Variants in NXPH2 observed in about 807,000 individuals in gnomAD.
NXPH2 encodes the protein neurexophilin-2.
In NXPH2, 5 loss-of-function variants were observed where a neutral mutation model predicts 19.8. The ratio of observed to expected loss-of-function variants is 0.25; its 90% CI spans 0.13 to 0.53. The LOEUF (loss-of-function observed/expected upper bound fraction) is 0.53. Ranked by LOEUF, NXPH2 falls within the 20% of genes least tolerant of loss-of-function variation. The pLI is 0.96. For synonymous variants in NXPH2, 154 were observed against 127.4 expected (o/e 1.21, Z -1.41); for missense variants, 289 against 322.8 (o/e 0.90, Z 0.80).
intron 1 of NXPH2, among the ~76,000 whole-genome samples, chr2:138,706,947 AG>A (rs1681025208): frequency 6.6e-6 from 1 of 151,924 alleles, no homozygotes. Flanking sequence ...GTGAATGCTT[AG>A]AGAAACTTGT....
rs146342012 is a variant in NXPH2 at position 138,707,802 on chromosome 2, C to T, written c.52-36137G>A. The stretch of plus-strand genomic sequence containing the variant: ...AAATTATCCCTTGTAACTTTCTTCT[C>T]TGTGGATTTGGCCCATCATTCTAGC... On this transcript the variant is annotated intron_variant, in intron 1 of 1. Transcript: ENST00000272641. Among the ~76,000 whole-genome samples, 356 of 152,268 alleles carry T rather than the reference C, an allele frequency of 2.3e-3. 5 individuals are homozygous for T. The highest frequency in any genetic ancestry group is 8.2e-3 in the African/African-American group (342 of 41,568).
intron 1 of NXPH2, among the ~76,000 whole-genome samples, chr2:138,745,776 C>T (rs1681720926): frequency 6.6e-6 from 1 of 151,924 alleles, no homozygotes; most frequent in African/African-American, 2.4e-5. Context: ...AATTTCAGGA[C>T]AGCTGTTACC....
intron 1 of NXPH2, among the ~76,000 whole-genome samples, chr2:138,743,886 A>G (rs1681685930): frequency 6.6e-6 from 1 of 151,594 alleles, no homozygotes; most frequent in South Asian, 2.1e-4. Flanking sequence ...ACCTGTAGTC[A>G]TAGCTACTGG....
chr2:138,670,515 C>T lies in NXPH2; in HGVS notation c.*407G>A, dbSNP rs1480325261. Among the ~76,000 whole-genome samples, 2 of 152,222 alleles carry T rather than the reference C, an allele frequency of 1.3e-5. No homozygotes were observed. Among genetic ancestry groups the T allele is most frequent in the South Asian group, 2.1e-4 (1 of 4,830 alleles). On this transcript the variant is annotated 3_prime_UTR_variant, in exon 2 of 2. Coordinates refer to ENST00000272641, the MANE Select transcript of NXPH2 (RefSeq NM_007226.3). ...CTATCAAATACAATCTTTTCCTTTA[C>T]CGCATCTGCTGTTTCTGCGGTAACC...
intron 1 of NXPH2, among the ~76,000 whole-genome samples, chr2:138,771,421 T>C (rs966651902): frequency 1.3e-5 from 2 of 151,620 alleles, no homozygotes; most frequent in African/African-American, 2.4e-5. Flanking sequence ...AGGTATGAGG[T>C]GGCAGAAAGC....
intron 1 of NXPH2, among the ~76,000 whole-genome samples, chr2:138,735,533 C>G (rs1012801195): frequency 6.6e-6 from 1 of 152,132 alleles, no homozygotes; most frequent in Non-Finnish European, 1.5e-5. Flanking sequence ...AATTATCTCC[C>G]ATTGGGTCTC....
At chr2:138,775,180 T>TG (rs1682242191) in intron 1 of NXPH2, among the ~76,000 whole-genome samples, 1 of 152,174 alleles carries the variant, frequency 6.6e-6, no homozygotes, top group African/African-American at 2.4e-5. Flanking sequence ...GCATTTGGGC[T>TG]TAAATAATGG....
At chr2:138,683,147 G>A (rs533706679) in intron 1 of NXPH2, among the ~76,000 whole-genome samples, 1 of 152,064 alleles carries the variant, frequency 6.6e-6, no homozygotes, top group African/African-American at 2.4e-5. Context: ...CAAGTTTTGC[G>A]AAGTCAAACA....
chr2:138,779,255 G>A (rs1682312245), intron 1 of NXPH2, among the ~76,000 whole-genome samples: 1 of 152,180 alleles, frequency 6.6e-6, no homozygotes, highest in Non-Finnish European at 1.5e-5. Flanking sequence ...GTGACCAGAA[G>A]AAATCCATCA....
intron 1 of NXPH2, among the ~76,000 whole-genome samples, chr2:138,693,402 T>C (rs1031714607): frequency 2.0e-5 from 3 of 152,126 alleles, no homozygotes; most frequent in Non-Finnish European, 2.9e-5. Flanking sequence ...TGTTCTGCCA[T>C]GTGAGCCATC....
chr2:138,734,127 C>T (rs941838073), intron 1 of NXPH2, among the ~76,000 whole-genome samples: 1 of 152,124 alleles, frequency 6.6e-6, no homozygotes, highest in Admixed American at 6.5e-5. Flanking sequence ...TGCCTGTAAT[C>T]ACAGCTACTC....
rs562600637 is a variant in NXPH2 at position 138,690,877 on chromosome 2, G to A, written c.52-19212C>T. On this transcript the variant is annotated intron_variant, in intron 1 of 1. Coordinates refer to ENST00000272641, the MANE Select transcript of NXPH2 (RefSeq NM_007226.3). ...AAGTAGAAACCATGGAAAGTGCAGA[G>A]AAGAAACCCAACACGAGATGCACCA... 9.7e-4 allele frequency among the ~76,000 whole-genome samples: 148 copies of A among 152,332 alleles called. 2 individuals carry two copies. The highest frequency in any genetic ancestry group is 3.4e-3 in the Middle Eastern group (1 of 294).
chr2:138,777,683 A>G (rs1356807257), intron 1 of NXPH2, among the ~76,000 whole-genome samples: 1 of 151,836 alleles, frequency 6.6e-6, no homozygotes. Context: ...TCATATCACT[A>G]AATGTTCAAT....
chr2:138,697,892 T>C (rs1175977993), intron 1 of NXPH2, among the ~76,000 whole-genome samples: 1 of 152,066 alleles, frequency 6.6e-6, no homozygotes, highest in Non-Finnish European at 1.5e-5. Flanking sequence ...ATATGAAATA[T>C]ATGAAAACAA....
intron 1 of NXPH2, among the ~76,000 whole-genome samples, chr2:138,678,266 A>G (rs1249047891): frequency 6.6e-6 from 1 of 152,202 alleles, no homozygotes; most frequent in African/African-American, 2.4e-5. Context: ...AGGAGGAAAT[A>G]CACAGAGGTA....
At chr2:138,755,860 G>C (rs1681899179) in intron 1 of NXPH2, among the ~76,000 whole-genome samples, 1 of 151,632 alleles carries the variant, frequency 6.6e-6, no homozygotes, top group South Asian at 2.1e-4. Context: ...TCAGTGTCTT[G>C]TAGTTTTTCA....
At chr2:138,710,072 A>G (rs1681083041) in intron 1 of NXPH2, among the ~76,000 whole-genome samples, 1 of 152,210 alleles carries the variant, frequency 6.6e-6, no homozygotes, top group South Asian at 2.1e-4. Flanking sequence ...ATCAAGCAAT[A>G]ACTCCCATTC....
At chr2:138,749,588 A>G (rs1681795164) in intron 1 of NXPH2, among the ~76,000 whole-genome samples, 1 of 152,170 alleles carries the variant, frequency 6.6e-6, no homozygotes, top group South Asian at 2.1e-4. Context: ...TTTATGCTTT[A>G]TCTTTCATCT....
chr2:138,740,255 A>T (rs1490641895), intron 1 of NXPH2, among the ~76,000 whole-genome samples: 1 of 152,158 alleles, frequency 6.6e-6, no homozygotes, highest in Non-Finnish European at 1.5e-5. Context: ...AGGGCTGTAG[A>T]ACTGTTTATG....
Sources: allele counts gnomAD v4.1 joint callset (sites outside exome capture counted in the v4.1 genomes callset), GRCh38; gene constraint gnomAD v4.1.1; transcripts MANE v1.5; gene names NCBI Gene and HGNC (gene_info 2026-07-23, HGNC 2026-07-21).